Variants in DLG2 observed in about 807,000 individuals in gnomAD.
DLG2 encodes discs large MAGUK scaffold protein 2.
DLG2 carries 45 observed loss-of-function variants against 132.5 expected under a neutral mutation model. The ratio of observed to expected loss-of-function variants is 0.34; its 90% confidence interval spans 0.27 to 0.44. The LOEUF is 0.44. Among genes scored for constraint, DLG2 ranks in the 20% least tolerant of loss-of-function variants. The probability of loss-of-function intolerance (pLI) is 1.00; values close to 1 mark genes in which losing one functional copy is unlikely to be tolerated. For synonymous variants in DLG2, 424 were observed against 419.6 expected (o/e 1.01, Z -0.13); for missense variants, 1,045 against 1,196.9 (o/e 0.87, Z 1.87).
intron 4 of DLG2, among the ~76,000 whole-genome samples, chr11:85,193,089 C>T (rs963051828): frequency 6.6e-6 from 1 of 152,094 alleles, no homozygotes; most frequent in African/African-American, 2.4e-5. Context: ...CTGTCTATTC[C>T]CCCTTCCTCC....
chr11:84,068,743 A>G (rs754903601), intron 10 of DLG2, among the ~76,000 whole-genome samples: 3 of 152,248 alleles, frequency 2.0e-5, no homozygotes, highest in Non-Finnish European at 4.4e-5. Context: ...TTCGAATAGC[A>G]TTAATGCCTG....
rs966724525 is a variant in DLG2, at chr11:83,623,179, C to CT, written c.1940+10031dup. 6.6e-5 allele frequency among the ~76,000 whole-genome samples: 10 copies of CT among 151,020 alleles called. 1 individual carries two copies. The South Asian group carries it at 8.4e-4, about 13-fold the overall frequency. Reference sequence around the variant, plus strand: ...ATCATTGTGTACTATCCTTCTTTATCTTTTTTTTTCTGTTGTTGGTTTAAA... The same window carrying CT: ...ATCATTGTGTACTATCCTTCTTTATCTTTTTTTTTTCTGTTGTTGGTTTAAA... On this transcript the variant is annotated intron_variant, in intron 19 of 27. Coordinates refer to ENST00000376104, the MANE Select transcript of DLG2 (RefSeq NM_001142699.3).
chr11:85,506,106 C>A (rs1039436234), intron 3 of DLG2, among the ~76,000 whole-genome samples: 1 of 152,098 alleles, frequency 6.6e-6, no homozygotes, highest in Admixed American at 6.6e-5. Flanking sequence ...TGATTTTTCT[C>A]TCTTTTCTTC....
At chr11:84,298,981 G>A (rs186211287) in intron 7 of DLG2, among the ~76,000 whole-genome samples, 4 of 152,266 alleles carry the variant, frequency 2.6e-5, no homozygotes, top group African/African-American at 9.6e-5. Flanking sequence ...CTAGTGGTTG[G>A]CAATCTGTTT....
chr11:85,055,104 TA>T (rs1330933398), intron 6 of DLG2, among the ~76,000 whole-genome samples: 1 of 152,184 alleles, frequency 6.6e-6, no homozygotes, highest in African/African-American at 2.4e-5. Context: ...TTTCTGTCAT[TA>T]ATTAGATGAA....
intron 19 of DLG2, among the ~76,000 whole-genome samples, chr11:83,617,240 T>C (rs970680669): frequency 1.3e-5 from 2 of 152,166 alleles, no homozygotes; most frequent in African/African-American, 4.8e-5. Context: ...ATATATCAGT[T>C]TGGGAGAAAT....
chr11:85,332,089 A>G (rs778693165), intron 3 of DLG2, among the ~76,000 whole-genome samples: 4 of 152,190 alleles, frequency 2.6e-5, no homozygotes, highest in Non-Finnish European at 5.9e-5. Flanking sequence ...CCAACAATCT[A>G]TAAGAATTCC....
At chr11:84,395,397 A>C (rs963214061) in intron 7 of DLG2, among the ~76,000 whole-genome samples, 29 of 151,886 alleles carry the variant, frequency 1.9e-4, no homozygotes, top group Admixed American at 1.8e-3. Context: ...TCCTGTCTTC[A>C]CTTAGGTTTC....
At chr11:85,237,299 T>G (rs1424654750) in intron 4 of DLG2, among the ~76,000 whole-genome samples, 1 of 152,058 alleles carries the variant, frequency 6.6e-6, no homozygotes, top group Non-Finnish European at 1.5e-5. Context: ...TTTCTGGTAT[T>G]AATTAATAGG....
At chr11:83,914,997 G>T (rs2076691347) in intron 15 of DLG2, among the ~76,000 whole-genome samples, 2 of 152,110 alleles carry the variant, frequency 1.3e-5, no homozygotes, top group Admixed American at 1.3e-4. Context: ...ACACATAAAG[G>T]ATGAGGAGAA....
chr11:85,385,949 G>T (rs555921787), intron 3 of DLG2, among the ~76,000 whole-genome samples: 1 of 152,234 alleles, frequency 6.6e-6, no homozygotes, highest in East Asian at 1.9e-4. Flanking sequence ...CTTTACCCAC[G>T]ATTAGTTGAC....
At chr11:85,349,658 A>C (rs532363598) in intron 3 of DLG2, among the ~76,000 whole-genome samples, 3 of 152,044 alleles carry the variant, frequency 2.0e-5, no homozygotes, top group African/African-American at 7.3e-5. Flanking sequence ...GATAACATGC[A>C]GTGTTTGGTT....
In DLG2 at chr11:84,090,414, C is replaced by CAA. The variant is rs397848695; in HGVS notation, c.749+8507_749+8508dup. 4.6e-3 allele frequency among the ~76,000 whole-genome samples: 363 copies of CAA among 78,504 alleles called. 7 individuals are homozygous for CAA. Among genetic ancestry groups the CAA allele is most frequent in the African/African-American group, 0.012 (241 of 20,186 alleles). The allele number at this position is 78,504 out of a possible 152,430, so 51.5% of individuals were successfully genotyped here. A position where few individuals can be genotyped will look rare whatever the true frequency, so the allele number is the denominator to read the frequency against. ...GGGTGACAAGAGTGAGATTTCATCT[C>CAA]AAAAAAAAAAAAAAAAAAAAAAGAT... is the stretch of plus-strand genomic sequence containing the variant. On this transcript the variant is annotated intron_variant, in intron 10 of 27. Transcript: ENST00000376104.
intron 6 of DLG2, among the ~76,000 whole-genome samples, chr11:84,834,610 C>A (rs544159514): frequency 1.3e-5 from 2 of 151,370 alleles, no homozygotes; most frequent in East Asian, 2.0e-4. Flanking sequence ...AGAAAAATAG[C>A]AATGAAAGGA....
intron 6 of DLG2, among the ~76,000 whole-genome samples, chr11:85,024,224 T>C (rs1488213095): frequency 6.6e-6 from 1 of 152,144 alleles, no homozygotes; most frequent in Non-Finnish European, 1.5e-5. Context: ...ATTACAGTAA[T>C]GAAGCTCTTC....
chr11:85,573,226 A>C (rs2077952877), intron 3 of DLG2, among the ~76,000 whole-genome samples: 1 of 152,202 alleles, frequency 6.6e-6, no homozygotes. Flanking sequence ...ACCCAGTCTC[A>C]GGTATTTGTT....
intron 22 of DLG2, chr11:83,483,214 A>G (rs2093266839): frequency 1.3e-6 from 2 of 1,579,500 alleles, no homozygotes; most frequent in Non-Finnish European, 1.7e-6. Context: ...GGAAAGGAAA[A>G]GAAAAGAAAA....
intron 7 of DLG2, among the ~76,000 whole-genome samples, chr11:84,490,046 G>A (rs935829324): frequency 1.3e-5 from 2 of 152,120 alleles, no homozygotes; most frequent in Admixed American, 6.6e-5. Flanking sequence ...TTATTTAAAA[G>A]GTAATCATTA....
intron 6 of DLG2, among the ~76,000 whole-genome samples, chr11:84,931,966 T>C (rs2048147764): frequency 6.6e-6 from 1 of 152,180 alleles, no homozygotes; most frequent in African/African-American, 2.4e-5. Flanking sequence ...ATGGGGCTGT[T>C]TGCTTTTTTT....
Sources: gnomAD v4.1 joint callset for allele counts (sites outside exome capture counted in the v4.1 genomes callset) on GRCh38, gnomAD v4.1.1 for gene constraint, MANE v1.5 for transcripts, NCBI Gene and HGNC (gene_info 2026-07-23, HGNC 2026-07-21) for gene names.